The following MED12L variants were observed in gnomAD, a reference collection of about 807,000 sequenced individuals.
MED12L encodes mediator of RNA polymerase II transcription subunit 12-like protein.
MED12L carries 60 observed loss-of-function variants against 281.3 expected under a neutral mutation model. The observed-to-expected ratio is 0.21, with a 90% CI of 0.17 to 0.26. The LOEUF is 0.26. Ranked by LOEUF, MED12L falls within the 10% of genes least tolerant of loss-of-function variation. The pLI is 1.00. For synonymous variants in MED12L, 974 were observed against 987.2 expected, an observed-to-expected ratio of 0.99 and a Z score of 0.25; for missense variants, 2,146 against 2,680.9, an observed-to-expected ratio of 0.80 and a Z score of 4.41.
intron 16 of MED12L, among the ~76,000 whole-genome samples, chr3:151,311,671 G>A (rs1305707707): frequency 1.3e-5 from 2 of 152,058 alleles, no homozygotes; most frequent in Non-Finnish European, 2.9e-5. Flanking sequence ...ATATTACTTT[G>A]AGCCACATTC....
chr3:151,436,476 CTTAAG>C lies in MED12L; in HGVS notation c.*3677_*3681del, dbSNP rs200125340. On this transcript the variant is annotated 3_prime_UTR_variant, in exon 45 of 45. Transcript: ENST00000687756. Reference sequence around the variant, plus strand: ...TTATTTGTTGGCAAAATAAAAGTGCCTTAAGTTAAAAGTTTGTTTTGAGATCCATT... The same window carrying C: ...TTATTTGTTGGCAAAATAAAAGTGCCTTAAAAGTTTGTTTTGAGATCCATT... The C allele has an allele frequency of 3.3e-3, 1,411 of 423,516 alleles. 21 individuals carry two copies. The East Asian group carries it at 0.035, about 11-fold the overall frequency. 26.2% of individuals were successfully genotyped at this position (423,516 alleles called of 1,614,324 possible).
At chr3:151,087,065 C>A in intron 2 of MED12L, 40 bp downstream of exon 2, 1 of 1,509,448 alleles carries the variant, frequency 6.6e-7, no homozygotes, top group South Asian at 1.2e-5. Context: ...CGGGGCCGCG[C>A]TCTGCAGCAC....
chr3:151,179,972 G>A (rs139161588), intron 11 of MED12L, among the ~76,000 whole-genome samples: 262 of 152,312 alleles, frequency 1.7e-3, no homozygotes, highest in African/African-American at 6.0e-3. Flanking sequence ...CCTAAGGAAA[G>A]GATGGCATCA....
intron 16 of MED12L, among the ~76,000 whole-genome samples, chr3:151,234,955 A>C (rs574858388): frequency 1.3e-5 from 2 of 152,220 alleles, no homozygotes. Context: ...ACTTTCTTCT[A>C]TCTCTTCTAT....
intron 16 of MED12L, among the ~76,000 whole-genome samples, chr3:151,339,479 C>T (rs1751510991): frequency 6.7e-6 from 1 of 150,216 alleles, no homozygotes; most frequent in Non-Finnish European, 1.5e-5. Context: ...GAAGATATTC[C>T]TGCCTCTATA....
intron 23 of MED12L, among the ~76,000 whole-genome samples, chr3:151,366,923 A>C (rs542038165): frequency 1.3e-5 from 2 of 152,260 alleles, no homozygotes; most frequent in African/African-American, 4.8e-5. Context: ...TGGAATTAAT[A>C]ATAGTGTGAA....
chr3:151,165,745 A>G, intron 10 of MED12L, 101 bp from the exon 11 acceptor site: 1 of 1,301,676 alleles, frequency 7.7e-7, no homozygotes, highest in South Asian at 1.4e-5. Context: ...ATGATAATTA[A>G]AAAAAAATTC....
chr3:151,369,317 G>T, intron 25 of MED12L, 119 bp from the exon 26 acceptor site: 1 of 573,732 alleles, frequency 1.7e-6, no homozygotes. Context: ...ATCAATTAAA[G>T]CAAGCTAATG....
At chr3:151,289,316 G>A (rs1433003841) in intron 16 of MED12L, among the ~76,000 whole-genome samples, 1 of 152,146 alleles carries the variant, frequency 6.6e-6, no homozygotes, top group Non-Finnish European at 1.5e-5. Flanking sequence ...AAAGCACAAA[G>A]GATAAAATGT....
chr3:151,366,568 T>C (rs1755303627), intron 23 of MED12L, among the ~76,000 whole-genome samples: 1 of 152,204 alleles, frequency 6.6e-6, no homozygotes, highest in Admixed American at 6.5e-5. Context: ...ATGTGTGTAT[T>C]TCTTTAAAAA....
chr3:151,293,674 CACA>C lies in MED12L; in HGVS notation c.2251-56384_2251-56382del, dbSNP rs202016030. Reference sequence around the variant, plus strand: ...ACACACACACACACACACACACACACACACCCTCTACCTTCATTTCTATAGTGT... The same window carrying C: ...ACACACACACACACACACACACACACCCCTCTACCTTCATTTCTATAGTGT... On this transcript the variant is annotated intron_variant, in intron 16 of 44. Transcript: ENST00000687756. Among the ~76,000 whole-genome samples, 741 of 136,322 alleles carry C rather than the reference CACA, an allele frequency of 5.4e-3. 22 individuals carry two copies. The highest frequency in any genetic ancestry group is 0.021 in the African/African-American group (691 of 32,796). 89.4% of individuals were successfully genotyped at this position (136,322 alleles called of 152,430 possible).
In MED12L at chr3:151,434,663, C is replaced by T. The variant is rs369790905; in HGVS notation, c.*1859C>T. 9 of 152,246 alleles carry T rather than the reference C, an allele frequency of 5.9e-5. No homozygotes were observed. Among genetic ancestry groups the T allele is most frequent in the East Asian group, 3.9e-4 (2 of 5,190 alleles). 9.4% of individuals were successfully genotyped at this position (152,246 alleles called of 1,614,324 possible). Reference sequence around the variant, plus strand: ...ATAATGACTGCATTGGCAAATCAACCGAAATGTGAATGTTGTGCCTAGTGA... The same window carrying T: ...ATAATGACTGCATTGGCAAATCAACTGAAATGTGAATGTTGTGCCTAGTGA... On this transcript the variant is annotated 3_prime_UTR_variant, in exon 45 of 45. Transcript: ENST00000687756.
rs1251787098 is a variant in MED12L, at chr3:151,432,712, T to C, written c.6491-40T>C. The C allele has an allele frequency of 4.6e-6, 7 of 1,531,146 alleles. No individual in the cohort carries two copies. The East Asian group carries it at 1.6e-4, about 35-fold the overall frequency. The allele number at this position is 1,531,146 out of a possible 1,614,324, so 94.8% of individuals were successfully genotyped here. A position where few individuals can be genotyped will look rare whatever the true frequency, so the allele number is the denominator to read the frequency against. On this transcript the variant is annotated intron_variant, in intron 44 of 44. Transcript: ENST00000687756. ...GGTAGCATCCATCTGTGCAATAGTT[T>C]TGTGTCTGTAATTTTGGTTCAATTT...
chr3:151,425,032 TA>T (rs1346789829), intron 43 of MED12L, among the ~76,000 whole-genome samples: 2 of 152,230 alleles, frequency 1.3e-5, no homozygotes, highest in African/African-American at 4.8e-5. Flanking sequence ...TGGATTTTGA[TA>T]AATATTTGTT....
At chr3:151,357,846 T>G (rs983131711) in intron 20 of MED12L, among the ~76,000 whole-genome samples, 3 of 152,218 alleles carry the variant, frequency 2.0e-5, no homozygotes, top group African/African-American at 7.2e-5. Context: ...CTAGAACAAA[T>G]TACTTCATTT....
intron 3 of MED12L, among the ~76,000 whole-genome samples, chr3:151,121,705 A>T (rs1005412760): frequency 1.3e-5 from 2 of 151,952 alleles, no homozygotes; most frequent in South Asian, 4.2e-4. Flanking sequence ...GATTCACTGA[A>T]TTTATTTTTT....
rs1022886897 is a variant in MED12L, at chr3:151,199,548, A to G, written c.2250+5882A>G. ...TTGTCTTTCCAGTTCTTAGAATTTT[A>G]TTGGTGAACTTACCAGACCATATGG... is the stretch of plus-strand genomic sequence containing the variant. On this transcript the variant is annotated intron_variant, in intron 16 of 44. Coordinates refer to ENST00000687756, the MANE Select transcript of MED12L (RefSeq NM_001393769.1). The G allele has an allele frequency of 1.6e-5, 10 of 626,322 alleles. No individual in the cohort carries two copies. The Admixed American group carries it at 2.7e-4, about 17-fold the overall frequency. The allele number at this position is 626,322 out of a possible 1,614,324, so 38.8% of individuals were successfully genotyped here. A position where few individuals can be genotyped will look rare whatever the true frequency, so the allele number is the denominator to read the frequency against.
chr3:151,164,257 A>G (rs1435624857), intron 9 of MED12L, among the ~76,000 whole-genome samples: 1 of 152,182 alleles, frequency 6.6e-6, no homozygotes, highest in East Asian at 1.9e-4. Flanking sequence ...CTTGCTGAAC[A>G]GTTCTTGCTG....
At chr3:151,383,739 T>C (rs1712825720) in intron 33 of MED12L, 40 bp from the exon 34 acceptor site, 3 of 1,370,714 alleles carry the variant, frequency 2.2e-6, no homozygotes, top group Non-Finnish European at 3.1e-6. Flanking sequence ...TTCTTTCTGT[T>C]TTACAGAATG....
Sources: allele counts gnomAD v4.1 joint callset (sites outside exome capture counted in the v4.1 genomes callset), GRCh38; gene constraint gnomAD v4.1.1; transcripts MANE v1.5; gene names NCBI Gene and HGNC (gene_info 2026-07-23, HGNC 2026-07-21).